PDGFRL: variants seen among roughly 807,000 people sequenced by gnomAD.
PDGFRL encodes the protein platelet-derived growth factor receptor-like protein.
In PDGFRL, 46 loss-of-function variants were observed where a neutral mutation model predicts 37.2. The ratio of observed to expected loss-of-function variants is 1.24; its 90% CI spans 0.98 to 1.58. The LOEUF (loss-of-function observed/expected upper bound fraction) is 1.58. Among genes scored for constraint, PDGFRL ranks in the 40% most tolerant of loss-of-function variants. The pLI is 0.00. For missense variants in PDGFRL, 692 were observed against 467.6 expected, an observed-to-expected ratio of 1.48 and a Z score of -4.43; for synonymous variants, 251 against 184.3, an observed-to-expected ratio of 1.36 and a Z score of -2.93.
In PDGFRL at chr8:17,632,690, C is replaced by G. The variant is rs577101659; in HGVS notation, c.800-1384C>G. On this transcript the variant is annotated intron_variant, in intron 4 of 5. Coordinates refer to ENST00000251630, the MANE Select transcript of PDGFRL (RefSeq NM_001372073.1). ...TTCCCACTTCTCCCAGAAACAAAGT[C>G]CAAATCCTTTGCGTGGCCTGAATGG... Among the ~76,000 whole-genome samples the G allele has an allele frequency of 5.9e-5, 9 of 152,306 alleles. No individual in the cohort carries two copies. The South Asian group carries it at 1.7e-3, about 28-fold the overall frequency.
In PDGFRL at chr8:17,642,766, C is replaced by G; in HGVS notation, c.1093C>G (p.Gln365Glu). The change falls in exon 6 of 6, where the codon CAG becomes GAG. Residue 365 changes from glutamine to glutamate, a missense_variant. Physicochemically the swap from Gln to Glu is conservative, Grantham distance 29. Coordinates refer to ENST00000251630, the MANE Select transcript of PDGFRL (RefSeq NM_001372073.1). ...YICTAQNLQG[Q>E]TTVATTVEFS ...TTGCACTGCTCAGAATCTTCAAGGA[C>G]AGACCACAGTAGCTACCACTGTTGA... 1 of 1,610,818 alleles carries G rather than the reference C, an allele frequency of 6.2e-7. No homozygotes were observed. The highest frequency in any genetic ancestry group is 8.5e-7 in the Non-Finnish European group (1 of 1,177,034).
intron 4 of PDGFRL, among the ~76,000 whole-genome samples, chr8:17,632,636 C>T (rs1012430694): frequency 6.6e-6 from 1 of 152,224 alleles, no homozygotes; most frequent in African/African-American, 2.4e-5. Flanking sequence ...TGTGCCCGTT[C>T]CCTGATTTTA....
At chr8:17,623,924 GT>G (rs577641943) in intron 3 of PDGFRL, among the ~76,000 whole-genome samples, 256 of 144,386 alleles carry the variant, frequency 1.8e-3, no homozygotes, top group Non-Finnish European at 3.0e-3. Flanking sequence ...GAACCTTTTT[GT>G]TTTTTTTTTA....
At chr8:17,619,087 A>T (rs968611864) in intron 2 of PDGFRL, among the ~76,000 whole-genome samples, 1 of 152,200 alleles carries the variant, frequency 6.6e-6, no homozygotes, top group African/African-American at 2.4e-5. Context: ...CATTTTCCCT[A>T]TGCTAAATGT....
At chr8:17,631,493 C>A (rs1804860409) in intron 4 of PDGFRL, among the ~76,000 whole-genome samples, 2 of 152,090 alleles carry the variant, frequency 1.3e-5, no homozygotes, top group Admixed American at 1.3e-4. Flanking sequence ...CACCCTGTTA[C>A]CAAATCCCTC....
chr8:17,594,140 C>T (rs114580206), intron 2 of PDGFRL, among the ~76,000 whole-genome samples: 2,353 of 151,622 alleles, frequency 0.016, 56 homozygotes, highest in African/African-American at 0.054. Context: ...TTGTTACTGA[C>T]GTATTTCCCA....
upstream of PDGFRL, chr8:17,577,170 C>T: frequency 1.3e-6 from 2 of 1,550,824 alleles, no homozygotes; most frequent in Non-Finnish European, 1.7e-6. Context: ...TCCCAGGAGC[C>T]CGCCCCTCGC....
At chr8:17,642,481 C>T (rs567751993) in intron 5 of PDGFRL, 132 bp from the exon 6 acceptor site, 22 of 654,012 alleles carry the variant, frequency 3.4e-5, no homozygotes, top group Middle Eastern at 4.1e-4. Flanking sequence ...TTATGAGCTA[C>T]GCATACTAAA....
At chr8:17,628,343 G>C in intron 3 of PDGFRL, 144 bp from the exon 4 acceptor site, 1 of 642,870 alleles carries the variant, frequency 1.6e-6, no homozygotes, top group East Asian at 2.6e-5. Context: ...TCCAAAAAAT[G>C]AAAAGCATTA....
intron 4 of PDGFRL, among the ~76,000 whole-genome samples, chr8:17,629,239 C>T (rs11203872): frequency 0.51 from 77,210 of 151,794 alleles, 21,140 homozygotes; most frequent in East Asian, 0.66. Context: ...CCACTTATGC[C>T]GTTCTTAAAG....
chr8:17,597,974 T>G (rs1563511607), intron 2 of PDGFRL, among the ~76,000 whole-genome samples: 1 of 144,784 alleles, frequency 6.9e-6, no homozygotes, highest in African/African-American at 2.5e-5. Flanking sequence ...TTATATAGCA[T>G]TGTGTTCTTA....
intron 2 of PDGFRL, among the ~76,000 whole-genome samples, chr8:17,613,683 G>T (rs1804467931): frequency 6.6e-6 from 1 of 152,148 alleles, no homozygotes; most frequent in African/African-American, 2.4e-5. Flanking sequence ...TTCGATGCCA[G>T]CCTGGGCAAC....
At chr8:17,629,112 T>G (rs986416487) in intron 4 of PDGFRL, among the ~76,000 whole-genome samples, 1 of 141,314 alleles carries the variant, frequency 7.1e-6, no homozygotes, top group African/African-American at 2.7e-5. Context: ...TTTTGTCTCA[T>G]AGAGAAGAGG....
At chr8:17,591,576 G>C (rs902031431) in intron 2 of PDGFRL, among the ~76,000 whole-genome samples, 1 of 152,186 alleles carries the variant, frequency 6.6e-6, no homozygotes, top group African/African-American at 2.4e-5. Flanking sequence ...ACTTACAATG[G>C]AGAAATACCA....
At chr8:17,622,304 C>T (rs930153879) in intron 3 of PDGFRL, among the ~76,000 whole-genome samples, 1 of 152,222 alleles carries the variant, frequency 6.6e-6, no homozygotes, top group Admixed American at 6.5e-5. Context: ...GTCCTATTGT[C>T]GTCCAAGACA....
intron 4 of PDGFRL, among the ~76,000 whole-genome samples, chr8:17,633,593 C>G (rs1232719459): frequency 1.3e-5 from 2 of 152,188 alleles, no homozygotes; most frequent in Non-Finnish European, 2.9e-5. Context: ...CATGATGAGG[C>G]AAAGGCACTG....
At chr8:17,596,388 G>A (rs915288743) in intron 2 of PDGFRL, 8 of 1,060,578 alleles carry the variant, frequency 7.5e-6, no homozygotes, top group African/African-American at 1.7e-5. Flanking sequence ...CCAATACCAC[G>A]TACATTTTAA....
intron 4 of PDGFRL, among the ~76,000 whole-genome samples, chr8:17,631,474 T>C (rs1361138537): frequency 6.6e-6 from 1 of 152,124 alleles, no homozygotes; most frequent in Non-Finnish European, 1.5e-5. Flanking sequence ...CAGCAGGCCA[T>C]GCCCCTTACA....
At chr8:17,628,899 G>A (rs867393275) in intron 4 of PDGFRL, 119 bp downstream of exon 4, 2 of 669,944 alleles carry the variant, frequency 3.0e-6, no homozygotes, top group African/African-American at 1.8e-5. Flanking sequence ...TTTCATTGTT[G>A]TTGGGTTGTT....
Sources: gnomAD v4.1 joint callset for allele counts (sites outside exome capture counted in the v4.1 genomes callset) on GRCh38, gnomAD v4.1.1 for gene constraint, MANE v1.5 for transcripts, NCBI Gene and HGNC (gene_info 2026-07-23, HGNC 2026-07-21) for gene names.